DNAH6: variants seen among roughly 807,000 people sequenced by gnomAD.
DNAH6 encodes the protein axonemal beta dynein heavy chain 6.
A neutral mutation model predicts 491.4 loss-of-function variants in DNAH6; 340 were observed. The observed-to-expected ratio is 0.69, with a 90% confidence interval of 0.63 to 0.76. The LOEUF is 0.76. Among genes scored for constraint, DNAH6 ranks in the 30% least tolerant of loss-of-function variants. DNAH6 has a pLI of 0.00. For synonymous variants in DNAH6, 1,603 were observed against 1,686.1 expected (o/e 0.95, Z 1.21); for missense variants, 4,443 against 4,972.2 (o/e 0.89, Z 3.20).
intron 3 of DNAH6, among the ~76,000 whole-genome samples, 165 bp downstream of exon 3, chr2:84,525,903 C>G (rs1424884487): frequency 1.3e-5 from 2 of 152,104 alleles, no homozygotes; most frequent in African/African-American, 4.8e-5. Flanking sequence ...AAGGAAAACT[C>G]TTACAGTGGA....
At chr2:84,528,809 A>G in intron 3 of DNAH6, 95 bp from the exon 4 acceptor site, 1 of 1,216,756 alleles carries the variant, frequency 8.2e-7, no homozygotes, top group Non-Finnish European at 1.1e-6. Context: ...ATCTCATGCA[A>G]TATGGCAATT....
chr2:84,668,106 G>A (rs921660855), intron 37 of DNAH6, among the ~76,000 whole-genome samples: 1 of 152,164 alleles, frequency 6.6e-6, no homozygotes, highest in East Asian at 1.9e-4. Context: ...GGGGGGAGGT[G>A]GGAGGGATAG....
chr2:84,740,786 G>A (rs1415180687), intron 62 of DNAH6, among the ~76,000 whole-genome samples: 1 of 152,128 alleles, frequency 6.6e-6, no homozygotes, highest in Non-Finnish European at 1.5e-5. Context: ...TGCCCTCTGG[G>A]AAAAACCTCA....
intron 64 of DNAH6, among the ~76,000 whole-genome samples, chr2:84,764,499 C>T (rs1674886064): frequency 1.3e-5 from 2 of 152,100 alleles, no homozygotes; most frequent in Admixed American, 1.3e-4. Context: ...ACAATTCATA[C>T]TGCAAGGGGA....
chr2:84,483,132 T>C, the DNAH6 span, among the ~76,000 whole-genome samples: 14 of 151,932 alleles, frequency 9.2e-5, no homozygotes, highest in African/African-American at 3.4e-4. Flanking sequence ...GGCTAATTCT[T>C]TAATTTTGGG....
chr2:84,643,084 G>A (rs72922766), intron 33 of DNAH6, among the ~76,000 whole-genome samples: 12,639 of 152,002 alleles, frequency 0.083, 1,768 homozygotes, highest in African/African-American at 0.29. Context: ...TTTTCTCAAT[G>A]TTTATTTGTC....
chr2:84,463,377 T>A, the DNAH6 span, among the ~76,000 whole-genome samples: 1 of 152,200 alleles, frequency 6.6e-6, no homozygotes, highest in African/African-American at 2.4e-5. Context: ...TTGGATTGGA[T>A]GGAACCTTTA....
At chr2:84,469,486 A>G in the DNAH6 span, among the ~76,000 whole-genome samples, 1 of 152,198 alleles carries the variant, frequency 6.6e-6, no homozygotes, top group African/African-American at 2.4e-5. The surrounding 1 kb of genome is among the most constrained non-coding windows in gnomAD (Gnocchi z 4.0). Context: ...TGGAGTTTCA[A>G]CATGTGGTCT....
chr2:84,650,838 A>G (rs920009683), intron 33 of DNAH6, among the ~76,000 whole-genome samples: 1 of 152,174 alleles, frequency 6.6e-6, no homozygotes, highest in Non-Finnish European at 1.5e-5. Flanking sequence ...GATGTGATGA[A>G]TGATTTTCAT....
chr2:84,800,689 C>T (rs900361091), intron 70 of DNAH6, among the ~76,000 whole-genome samples: 4 of 151,794 alleles, frequency 2.6e-5, no homozygotes, highest in African/African-American at 9.7e-5. Flanking sequence ...TGAATCAACC[C>T]AGTCAGAAAA....
intron 23 of DNAH6, among the ~76,000 whole-genome samples, chr2:84,618,668 C>A (rs1237651825): frequency 6.6e-6 from 1 of 151,738 alleles, no homozygotes; most frequent in African/African-American, 2.4e-5. Flanking sequence ...TTGCTGTAAC[C>A]TATTCTAGTA....
At chr2:84,522,347 ATTGT>A (rs1676231728) in intron 2 of DNAH6, among the ~76,000 whole-genome samples, 1 of 152,054 alleles carries the variant, frequency 6.6e-6, no homozygotes, top group Non-Finnish European at 1.5e-5. Context: ...CTTTGCTGAA[ATTGT>A]TTATCAGCTG....
chr2:84,595,871 T>C, intron 18 of DNAH6, 82 bp downstream of exon 18: 1 of 1,346,930 alleles, frequency 7.4e-7, no homozygotes. Context: ...TCAGGAATTT[T>C]TCCCTGATTA....
chr2:84,671,545 C>T (rs562178853), intron 39 of DNAH6, among the ~76,000 whole-genome samples: 23 of 152,336 alleles, frequency 1.5e-4, no homozygotes, highest in African/African-American at 5.3e-4. Flanking sequence ...TCTGTCCCCT[C>T]TCTCCTGCTT....
At chr2:84,493,398 C>G in the DNAH6 span, among the ~76,000 whole-genome samples, 29 of 152,116 alleles carry the variant, frequency 1.9e-4, no homozygotes, top group Non-Finnish European at 2.9e-4. Context: ...TTTTAATTGG[C>G]TAGAGCAACT....
intron 11 of DNAH6, among the ~76,000 whole-genome samples, chr2:84,561,557 A>G (rs1190846666): frequency 6.6e-6 from 1 of 152,252 alleles, no homozygotes; most frequent in African/African-American, 2.4e-5. Context: ...ATTAAACTAA[A>G]GAGCTTCTCT....
At chr2:84,548,482 C>G in intron 8 of DNAH6, 65 bp downstream of exon 8, 10 of 1,576,018 alleles carry the variant, frequency 6.3e-6, no homozygotes, top group Non-Finnish European at 6.1e-6. Flanking sequence ...AAAAATTAAA[C>G]CCCAGAAAGT....
At chr2:84,652,267 G>T (rs1254450188) in intron 33 of DNAH6, among the ~76,000 whole-genome samples, 3 of 151,804 alleles carry the variant, frequency 2.0e-5, no homozygotes, top group African/African-American at 2.4e-5. Flanking sequence ...TTTTACGAAG[G>T]CGCCTATTTC....
intron 15 of DNAH6, 128 bp from the exon 16 acceptor site, chr2:84,588,698 C>A: frequency 1.1e-6 from 1 of 912,448 alleles, no homozygotes; most frequent in Non-Finnish European, 1.6e-6. Context: ...TAATTTTAAA[C>A]ATCATTTCTA....
Sources: gnomAD v4.1 joint callset for allele counts (sites outside exome capture counted in the v4.1 genomes callset) on GRCh38, gnomAD v4.1.1 for gene constraint, Gnocchi (gnomAD v3.1) non-coding constraint, MANE v1.5 for transcripts, NCBI Gene and HGNC (gene_info 2026-07-23, HGNC 2026-07-21) for gene names.